Variants in PDE4D observed in about 807,000 individuals in gnomAD.
The protein encoded by PDE4D is phosphodiesterase 4D.
Under a neutral mutation model 87.4 loss-of-function variants are expected in PDE4D, and 24 were observed. The observed-to-expected ratio is 0.27, with a 90% CI of 0.20 to 0.39. The LOEUF is 0.39. Ranked by LOEUF, PDE4D falls within the 10% of genes least tolerant of loss-of-function variation. The pLI, the probability that PDE4D is intolerant of heterozygous loss-of-function variation, is 1.00. For missense variants in PDE4D, 714 were observed against 1,041.0 expected (o/e 0.69, Z 4.32); for synonymous variants, 384 against 383.2 (o/e 1.00, Z -0.02).
chr5:59,428,026 T>C (rs192734910), intron 1 of PDE4D, among the ~76,000 whole-genome samples: 1 of 152,162 alleles, frequency 6.6e-6, no homozygotes, highest in Non-Finnish European at 1.5e-5. Context: ...CTCGTCAACA[T>C]TGAGTTTACT....
At chr5:59,448,208 A>G (rs757831144) in intron 1 of PDE4D, among the ~76,000 whole-genome samples, 3 of 152,188 alleles carry the variant, frequency 2.0e-5, no homozygotes, top group Non-Finnish European at 2.9e-5. Context: ...CTAACCTTTC[A>G]TAAGGTTTTT....
chr5:59,483,357 T>A (rs1301821219), intron 1 of PDE4D, among the ~76,000 whole-genome samples: 3 of 152,136 alleles, frequency 2.0e-5, no homozygotes, highest in Non-Finnish European at 4.4e-5. Flanking sequence ...TTTTCAAATC[T>A]ATTAAATAAG....
chr5:59,952,652 TAAAA>T, intron 3 of PDE4D, among the ~76,000 whole-genome samples: 1 of 152,166 alleles, frequency 6.6e-6, no homozygotes, highest in South Asian at 2.1e-4. Flanking sequence ...AGCCAAAGCA[TAAAA>T]AGGACACAGA....
intron 1 of PDE4D, among the ~76,000 whole-genome samples, chr5:59,714,050 A>T (rs867703731): frequency 1.3e-5 from 2 of 152,156 alleles, no homozygotes; most frequent in Non-Finnish European, 2.9e-5. Context: ...TGGGTCCGTC[A>T]TCTCAGCCAG....
chr5:59,287,413 G>A (rs554870696), intron 1 of PDE4D, among the ~76,000 whole-genome samples: 51 of 152,216 alleles, frequency 3.4e-4, no homozygotes, highest in African/African-American at 1.2e-3. Context: ...AGTACCGGTA[G>A]ATTCCTAAGA....
chr5:59,354,093 G>A (rs1039725460), intron 1 of PDE4D, among the ~76,000 whole-genome samples: 1 of 151,984 alleles, frequency 6.6e-6, no homozygotes, highest in South Asian at 2.1e-4. Flanking sequence ...ACCCCCAGTA[G>A]CATGCATTAT....
chr5:60,511,250 T>G (rs1475314680), intron 1 of PDE4D, among the ~76,000 whole-genome samples: 1 of 152,104 alleles, frequency 6.6e-6, no homozygotes, highest in Non-Finnish European at 1.5e-5. Flanking sequence ...ATTACAGGCA[T>G]AAGCCACCAT....
chr5:59,251,949 C>T (rs1374477956), intron 1 of PDE4D, among the ~76,000 whole-genome samples: 1 of 152,096 alleles, frequency 6.6e-6, no homozygotes, highest in East Asian at 1.9e-4. Context: ...CATGTTCTCA[C>T]TTATAAGTGG....
rs555737618 is a variant in PDE4D at position 59,442,928 on chromosome 5, T to C, written c.456-226960A>G. Among the ~76,000 whole-genome samples, 21 of 152,330 alleles carry C rather than the reference T, an allele frequency of 1.4e-4. No individual in the cohort carries two copies. The South Asian group carries it at 3.1e-3, about 23-fold the overall frequency. The stretch of plus-strand genomic sequence containing the variant: ...TCTTGCTACGAAAAGCAACTCTTTT[T>C]AACCTTTTCCCACCACTATACAACA... On this transcript the variant is annotated intron_variant, in intron 1 of 14. Transcript: ENST00000340635.
intron 2 of PDE4D, among the ~76,000 whole-genome samples, chr5:60,010,564 C>G (rs1031804181): frequency 2.6e-5 from 4 of 152,040 alleles, no homozygotes; most frequent in Non-Finnish European, 5.9e-5. Context: ...CATCTGTGTA[C>G]CCCTCATACT....
At position 59,377,160 on chromosome 5, in the gene PDE4D, G is replaced by C. The variant is rs1784864270; in HGVS notation, c.456-161192C>G. Among the ~76,000 whole-genome samples the C allele has an allele frequency of 2.0e-5, 3 of 152,252 alleles. No homozygotes were observed. The South Asian group carries it at 6.2e-4, about 32-fold the overall frequency. On this transcript the variant is annotated intron_variant, in intron 1 of 14. Transcript: ENST00000340635. ...AGGCCAGGTGTGGTGGCTCACACCT[G>C]TAATCCCAGCACTTTGGGAGGCTGA... is the stretch of plus-strand genomic sequence containing the variant.
chr5:60,460,142 T>C (rs1469144029), intron 1 of PDE4D: 9 of 1,599,914 alleles, frequency 5.6e-6, no homozygotes, highest in Non-Finnish European at 6.8e-6. Flanking sequence ...TGCCTCTTCC[T>C]GCTGGCTTTA....
intron 1 of PDE4D, among the ~76,000 whole-genome samples, chr5:59,542,933 G>A (rs1026342064): frequency 1.3e-5 from 2 of 152,128 alleles, no homozygotes; most frequent in Admixed American, 1.3e-4. Flanking sequence ...CTCCAAAACA[G>A]TAATGTGGTC....
chr5:59,297,434 T>C (rs760316054), intron 1 of PDE4D, among the ~76,000 whole-genome samples: 11 of 152,162 alleles, frequency 7.2e-5, no homozygotes, highest in Non-Finnish European at 1.2e-4. Context: ...AAATAAATAC[T>C]AATGTATAGA....
intron 1 of PDE4D, among the ~76,000 whole-genome samples, chr5:59,722,684 T>G (rs1032921154): frequency 1.3e-5 from 2 of 152,168 alleles, no homozygotes; most frequent in African/African-American, 4.8e-5. Context: ...TTATTTCTTA[T>G]AGAGTTACAA....
chr5:59,879,223 T>C (rs57434558), intron 1 of PDE4D, among the ~76,000 whole-genome samples: 14,096 of 152,138 alleles, frequency 0.093, 2,025 homozygotes, highest in African/African-American at 0.31. Flanking sequence ...TTTTAAAAAA[T>C]TCAAAACTAT....
intron 5 of PDE4D, chr5:59,157,088 T>C (rs6875867): frequency 0.73 from 291,306 of 400,118 alleles, 107,579 homozygotes; most frequent in African/African-American, 0.85. Context: ...GACTTCTTTA[T>C]ACTTTTTGTG....
intron 1 of PDE4D, among the ~76,000 whole-genome samples, chr5:59,518,251 T>C (rs923649290): frequency 4.6e-5 from 7 of 151,644 alleles, no homozygotes; most frequent in Non-Finnish European, 1.0e-4. Flanking sequence ...GCAAAAATAG[T>C]GATTTCATTT....
intron 1 of PDE4D, among the ~76,000 whole-genome samples, chr5:60,223,694 TG>T (rs2149603391): frequency 6.6e-6 from 1 of 152,194 alleles, no homozygotes; most frequent in East Asian, 1.9e-4. Flanking sequence ...AATCAGATAA[TG>T]GGGATTTTCT....
Sources: gnomAD v4.1 joint callset for allele counts (sites outside exome capture counted in the v4.1 genomes callset) on GRCh38, gnomAD v4.1.1 for gene constraint, MANE v1.5 for transcripts, NCBI Gene and HGNC (gene_info 2026-07-23, HGNC 2026-07-21) for gene names.